IGDCC3: variants seen among roughly 807,000 people sequenced by gnomAD.
The protein encoded by IGDCC3 is immunoglobulin superfamily DCC subclass member 3.
IGDCC3 carries 47 observed loss-of-function variants against 72.0 expected under a neutral mutation model. The observed-to-expected ratio is 0.65, with a 90% CI of 0.52 to 0.83. The LOEUF is 0.83. Ranked by LOEUF, IGDCC3 falls within the 40% of genes least tolerant of loss-of-function variation. IGDCC3 has a pLI of 0.00. For missense variants in IGDCC3, 1,038 were observed against 1,091.3 expected, an observed-to-expected ratio of 0.95 and a Z score of 0.69; for synonymous variants, 477 against 472.8, an observed-to-expected ratio of 1.01 and a Z score of -0.11.
Position 65,329,366 on chromosome 15 carries a change from T to C in IGDCC3, c.2205+24A>G, listed in dbSNP as rs749484849. ...GCAGTGTCAGAGCCTGAGGCGGGGG[T>C]TTGTTTAAGACATGGGCACTCACTG... On this transcript the variant is annotated intron_variant, in intron 13 of 13. Transcript: ENST00000327987. The surrounding 1 kb of genome is among the most constrained non-coding windows in gnomAD (Gnocchi z 4.1). 1 of 1,552,072 alleles carries C rather than the reference T, an allele frequency of 6.4e-7. No individual in the cohort carries two copies. The highest frequency in any genetic ancestry group is 1.4e-5 in the African/African-American group (1 of 72,062).
chr15:65,337,653 G>C (rs2091043282), intron 2 of IGDCC3, among the ~76,000 whole-genome samples: 1 of 152,162 alleles, frequency 6.6e-6, no homozygotes, highest in Non-Finnish European at 1.5e-5. Context: ...CCAGGGACTT[G>C]GGGGAGGGGG....
rs965535864 is a variant in IGDCC3 at position 65,331,859 on chromosome 15, C to T, written c.1148+82G>A. 6.0e-6 allele frequency: 9 copies of T among 1,494,462 alleles called. No homozygotes were observed. The African/African-American group carries it at 1.1e-4, about 18-fold the overall frequency. 92.6% of individuals were successfully genotyped at this position (1,494,462 alleles called of 1,614,324 possible). ...GTGCTCTTCCCTGGCAGGAGGTGTA[C>T]AGCCTACTCAGGCCACTCACTCCAG... On this transcript the variant is annotated intron_variant, in intron 7 of 13. Coordinates refer to ENST00000327987, the MANE Select transcript of IGDCC3 (RefSeq NM_004884.4).
intron 2 of IGDCC3, among the ~76,000 whole-genome samples, chr15:65,349,334 A>G (rs2091153593): frequency 1.3e-5 from 2 of 152,208 alleles, no homozygotes; most frequent in Admixed American, 1.3e-4. Context: ...CCACTCAGGG[A>G]AAGGGAACCC....
At position 65,331,034 on chromosome 15, in the gene IGDCC3, C is replaced by G; in HGVS notation, c.1561+16G>C. ...AGTGAGTGCCTGTGGTTTTGTGCTC[C>G]ACACCCAGGCCTCACCTTCACCCAG... On this transcript the variant is annotated intron_variant, in intron 9 of 13. Coordinates refer to ENST00000327987, the MANE Select transcript of IGDCC3 (RefSeq NM_004884.4). The G allele has an allele frequency of 6.2e-7, 1 of 1,611,672 alleles. No individual in the cohort carries two copies. Among genetic ancestry groups the G allele is most frequent in the Non-Finnish European group, 8.5e-7 (1 of 1,178,770 alleles).
chr15:65,352,297 AC>A (rs1430270537), intron 2 of IGDCC3, among the ~76,000 whole-genome samples: 2 of 152,236 alleles, frequency 1.3e-5, no homozygotes, highest in Non-Finnish European at 2.9e-5. Flanking sequence ...GAATTTGGAA[AC>A]TAGTTGTGAG....
chr15:65,374,966 G>A (rs544670617), intron 2 of IGDCC3, 131 bp downstream of exon 2: 170 of 736,068 alleles, frequency 2.3e-4, no homozygotes, highest in African/African-American at 2.0e-3. Flanking sequence ...CCTCAAAACC[G>A]ACCCATGCTG....
chr15:65,330,797 T>A, intron 9 of IGDCC3, 56 bp from the exon 10 acceptor site: 1 of 1,419,096 alleles, frequency 7.0e-7, no homozygotes, highest in Non-Finnish European at 9.7e-7. Flanking sequence ...TCTATCTTTC[T>A]ACCTTCCACC....
At chr15:65,337,322 G>C (rs1413800524) in intron 2 of IGDCC3, among the ~76,000 whole-genome samples, 1 of 152,172 alleles carries the variant, frequency 6.6e-6, no homozygotes, top group Admixed American at 6.5e-5. Context: ...GTGTCTGATG[G>C]GTGTGTGCGC....
At position 65,329,471 on chromosome 15, in the gene IGDCC3, G is replaced by T; in HGVS notation, c.2124C>A (p.Asp708Glu). 14 of 1,610,830 alleles carry T rather than the reference G, an allele frequency of 8.7e-6. No homozygotes were observed. Among genetic ancestry groups the T allele is most frequent in the Non-Finnish European group, 1.2e-5 (14 of 1,179,070 alleles). The change falls in exon 13 of 14, where the codon GAC becomes GAA. Residue 708 changes from aspartate (D) to glutamate (E), a missense_variant. Asp to Glu is a conservative substitution (Grantham distance 45, BLOSUM62 2). Transcript: ENST00000327987. This position sits in a 1 kb window ranked among gnomAD's most constrained non-coding sequence, Gnocchi z 4.1. ...RRGQRGQLGRDEKRVDMKELE... is the reference protein window; with the variant it reads ...RRGQRGQLGREEKRVDMKELE... The stretch of plus-strand genomic sequence containing the variant: ...GCTCCTTCATATCCACACGTTTCTC[G>T]TCTCGGCCCAGCTGGCCCCGCTGTC...
At chr15:65,345,263 A>G (rs938912964) in intron 2 of IGDCC3, among the ~76,000 whole-genome samples, 1 of 151,956 alleles carries the variant, frequency 6.6e-6, no homozygotes, top group African/African-American at 2.4e-5. Flanking sequence ...AAGAAATAGA[A>G]GGATGATGGC....
intron 4 of IGDCC3, 22 bp downstream of exon 4, chr15:65,335,269 G>A (rs1212656245): frequency 1.3e-6 from 2 of 1,592,640 alleles, no homozygotes; most frequent in South Asian, 1.1e-5. Flanking sequence ...GAGGTTGGGG[G>A]AAAGTGCTGA....
At chr15:65,347,981 C>A (rs1163493689) in intron 2 of IGDCC3, among the ~76,000 whole-genome samples, 4 of 151,910 alleles carry the variant, frequency 2.6e-5, no homozygotes, top group Non-Finnish European at 5.9e-5. Context: ...AACAAACAAA[C>A]AAAAAACAGG....
intron 2 of IGDCC3, among the ~76,000 whole-genome samples, chr15:65,370,015 T>C (rs1248689596): frequency 6.6e-6 from 1 of 152,096 alleles, no homozygotes; most frequent in African/African-American, 2.4e-5. Flanking sequence ...AAGTAGGAAC[T>C]GAGGGCCTGA....
At chr15:65,362,568 T>TGGGGGGGGGGGGGGG (rs1014628404) in intron 2 of IGDCC3, among the ~76,000 whole-genome samples, 1 of 40,174 alleles carries the variant, frequency 2.5e-5, no homozygotes, top group Non-Finnish European at 5.1e-5. Flanking sequence ...TGAGGGTGGG[T>TGGGGGGGGGGGGGGG]GGGGGGGTGC....
At chr15:65,356,847 G>GTTTTTTTTTTTTTTTTT (rs1189300061) in intron 2 of IGDCC3, among the ~76,000 whole-genome samples, 22 of 61,750 alleles carry the variant, frequency 3.6e-4, no homozygotes, top group Non-Finnish European at 5.7e-4. Flanking sequence ...GAATGGACCT[G>GTTTTTTTTTTTTTTTTT]CTTTTTTTTT....
intron 2 of IGDCC3, among the ~76,000 whole-genome samples, chr15:65,343,719 G>A (rs952327655): frequency 1.8e-4 from 27 of 152,234 alleles, no homozygotes; most frequent in African/African-American, 6.3e-4. Context: ...AAGAGTGCTA[G>A]TGGGGCACAG....
At chr15:65,332,548 G>A (rs2141033296) in intron 6 of IGDCC3, among the ~76,000 whole-genome samples, 1 of 152,272 alleles carries the variant, frequency 6.6e-6, no homozygotes, top group African/African-American at 2.4e-5. Flanking sequence ...CAGGCCTCAA[G>A]CCTCTATTAA....
At chr15:65,334,928 C>CCA (rs942291979) in intron 4 of IGDCC3, 63 bp from the exon 5 acceptor site, 1 of 1,549,700 alleles carries the variant, frequency 6.5e-7, no homozygotes, top group African/African-American at 1.4e-5. Context: ...CTCACCCCAC[C>CCA]CACAGCCCAG....
chr15:65,376,219 T>C lies in IGDCC3; in HGVS notation c.104-817A>G, dbSNP rs374393617. 3.1e-4 allele frequency among the ~76,000 whole-genome samples: 47 copies of C among 152,302 alleles called. 2 individuals carry two copies. The highest frequency in any genetic ancestry group is 1.0e-3 in the African/African-American group (43 of 41,564). The stretch of plus-strand genomic sequence containing the variant: ...AGGAAGAGGGTGCTCCTAGAACCTT[T>C]ACTTCCAGCCAACCTCTCTGCTCCT... On this transcript the variant is annotated intron_variant, in intron 1 of 13. Transcript: ENST00000327987.
Sources: gnomAD v4.1 joint callset for allele counts (sites outside exome capture counted in the v4.1 genomes callset) on GRCh38, gnomAD v4.1.1 for gene constraint, Gnocchi (gnomAD v3.1) non-coding constraint, MANE v1.5 for transcripts, NCBI Gene and HGNC (gene_info 2026-07-23, HGNC 2026-07-21) for gene names.